TSPAN15: variants seen among roughly 807,000 people sequenced by gnomAD.
TSPAN15 encodes tetraspanin-15.
A neutral mutation model predicts 34.5 loss-of-function variants in TSPAN15; 20 were observed. That is an observed-to-expected ratio of 0.58 (90% confidence interval 0.41 to 0.84). The LOEUF (loss-of-function observed/expected upper bound fraction) is 0.84. Among genes scored for constraint, TSPAN15 ranks in the 40% least tolerant of loss-of-function variants. TSPAN15 has a pLI of 0.00. For missense variants in TSPAN15, 313 were observed against 386.1 expected, an observed-to-expected ratio of 0.81 and a Z score of 1.59; for synonymous variants, 155 against 153.9, an observed-to-expected ratio of 1.01 and a Z score of -0.05.
intron 1 of TSPAN15, among the ~76,000 whole-genome samples, chr10:69,461,782 G>A (rs1460773918): frequency 6.6e-6 from 1 of 152,084 alleles, no homozygotes; most frequent in Admixed American, 6.5e-5. Context: ...GGCTGCCGAG[G>A]CTGCACAGGA....
intron 1 of TSPAN15, among the ~76,000 whole-genome samples, chr10:69,475,843 C>T (rs889262189): frequency 6.6e-6 from 1 of 151,984 alleles, no homozygotes; most frequent in Non-Finnish European, 1.5e-5. Context: ...CCAGCTCAGA[C>T]ACCATGGAAA....
chr10:69,509,421 T>C (rs758205357), downstream of TSPAN15, among the ~76,000 whole-genome samples: 31 of 133,918 alleles, frequency 2.3e-4, no homozygotes, highest in Middle Eastern at 3.8e-3. Flanking sequence ...CACTTTTTGA[T>C]GGGGTTGTTT....
At chr10:69,521,071 T>A in the TSPAN15 span, among the ~76,000 whole-genome samples, 1 of 151,998 alleles carries the variant, frequency 6.6e-6, no homozygotes. Flanking sequence ...GCTGCCCAGA[T>A]AGCTGGTAAA....
the TSPAN15 span, among the ~76,000 whole-genome samples, chr10:69,524,606 A>G: frequency 6.8e-6 from 1 of 146,044 alleles, no homozygotes; most frequent in Non-Finnish European, 1.5e-5. Context: ...GCACAATAAC[A>G]TATTTTAAAG....
the TSPAN15 span, among the ~76,000 whole-genome samples, chr10:69,516,855 G>A: frequency 6.6e-6 from 1 of 152,172 alleles, no homozygotes; most frequent in South Asian, 2.1e-4. Flanking sequence ...AGATGAGGTT[G>A]TGGTGCCTGG....
the TSPAN15 span, among the ~76,000 whole-genome samples, chr10:69,540,404 C>G: frequency 1.3e-5 from 2 of 152,066 alleles, no homozygotes; most frequent in African/African-American, 4.8e-5. Context: ...TTAAAATCCT[C>G]CCAAGATGAA....
chr10:69,483,905 G>C, intron 2 of TSPAN15, 29 bp downstream of exon 2: 1 of 1,602,568 alleles, frequency 6.2e-7, no homozygotes, highest in Non-Finnish European at 8.5e-7. Context: ...CCCTCAGCCG[G>C]GACTCCCCAG....
At chr10:69,498,463 T>G in intron 5 of TSPAN15, 67 bp downstream of exon 5, 2 of 1,323,930 alleles carry the variant, frequency 1.5e-6, no homozygotes, top group South Asian at 2.4e-5. Flanking sequence ...TGTTCTCTTT[T>G]CTCTCTTCCC....
the TSPAN15 span, among the ~76,000 whole-genome samples, chr10:69,520,611 G>C: frequency 6.6e-6 from 1 of 152,182 alleles, no homozygotes; most frequent in Non-Finnish European, 1.5e-5. Flanking sequence ...AGCCGAGATT[G>C]CATCATTGCA....
the TSPAN15 span, among the ~76,000 whole-genome samples, chr10:69,539,790 T>C: frequency 6.6e-6 from 1 of 152,056 alleles, no homozygotes; most frequent in Admixed American, 6.6e-5. Flanking sequence ...CTGCTCCTGC[T>C]CCAGCCATCA....
At chr10:69,540,656 G>C in the TSPAN15 span, among the ~76,000 whole-genome samples, 2 of 152,146 alleles carry the variant, frequency 1.3e-5, no homozygotes, top group Admixed American at 6.5e-5. Context: ...AAGTCTGTGT[G>C]TCTGCTCTAT....
the TSPAN15 span, among the ~76,000 whole-genome samples, chr10:69,529,823 T>C: frequency 1.4e-5 from 2 of 147,206 alleles, no homozygotes; most frequent in African/African-American, 4.9e-5. Context: ...CAATGTGTAG[T>C]CTTTTATTCC....
rs927276299 is a variant in TSPAN15, at chr10:69,507,280, T to G, written c.*302T>G. The G allele has an allele frequency of 9.1e-6, 12 of 1,315,308 alleles. No individual in the cohort carries two copies. The African/African-American group carries it at 1.3e-4, about 15-fold the overall frequency. 81.5% of individuals were successfully genotyped at this position (1,315,308 alleles called of 1,614,324 possible). A position where few individuals can be genotyped will look rare whatever the true frequency, so the allele number is the denominator to read the frequency against. On this transcript the variant is annotated 3_prime_UTR_variant, in exon 8 of 8. Transcript: ENST00000373290. ...GGGGAGGGAGAGCCTGAGGCTCTGCTCAGGGCCCATTTCATCTCTGGCAGT... is the reference window on the plus strand; with the variant it reads ...GGGGAGGGAGAGCCTGAGGCTCTGCGCAGGGCCCATTTCATCTCTGGCAGT...
chr10:69,527,632 G>A, the TSPAN15 span, among the ~76,000 whole-genome samples: 2 of 147,388 alleles, frequency 1.4e-5, no homozygotes, highest in Non-Finnish European at 3.0e-5. Flanking sequence ...AGGAATATGT[G>A]TTGGGCCACA....
At chr10:69,481,122 T>A (rs754040352) in intron 1 of TSPAN15, among the ~76,000 whole-genome samples, 1 of 152,220 alleles carries the variant, frequency 6.6e-6, no homozygotes, top group Non-Finnish European at 1.5e-5. Flanking sequence ...GTCCAGATAG[T>A]CTCTGGTTTA....
chr10:69,523,380 G>A, the TSPAN15 span: 2 of 581,904 alleles, frequency 3.4e-6, no homozygotes, highest in Non-Finnish European at 6.3e-6. Flanking sequence ...GGATGCTGGG[G>A]TCTCCACCCC....
chr10:69,495,943 T>G (rs938169401), intron 4 of TSPAN15, among the ~76,000 whole-genome samples: 2 of 152,140 alleles, frequency 1.3e-5, no homozygotes, highest in African/African-American at 4.8e-5. Flanking sequence ...CCTCTCCAGT[T>G]ACACTGGCTT....
At chr10:69,494,852 G>T (rs931259273) in intron 3 of TSPAN15, 1 of 985,542 alleles carries the variant, frequency 1.0e-6, no homozygotes, top group Non-Finnish European at 1.2e-6. Flanking sequence ...TCCTGCCCCC[G>T]CCCCTTCCCA....
Position 69,472,012 on chromosome 10 carries a change from A to G in TSPAN15, c.97-11679A>G, listed in dbSNP as rs79646045. On this transcript the variant is annotated intron_variant, in intron 1 of 7. Coordinates refer to ENST00000373290, the MANE Select transcript of TSPAN15 (RefSeq NM_012339.5). ...AGCTCCAGAATCTTCAAACATTTTT[A>G]ACAATGAAAAGGAGTTCTGAGACCA... is the stretch of plus-strand genomic sequence containing the variant. 8.5e-4 allele frequency among the ~76,000 whole-genome samples: 130 copies of G among 152,340 alleles called. 2 individuals are homozygous for G. Among genetic ancestry groups the G allele is most frequent in the Non-Finnish European group, 1.6e-3 (110 of 68,020 alleles).
Sources: gnomAD v4.1 joint callset for allele counts (sites outside exome capture counted in the v4.1 genomes callset) on GRCh38, gnomAD v4.1.1 for gene constraint, MANE v1.5 for transcripts, NCBI Gene and HGNC (gene_info 2026-07-23, HGNC 2026-07-21) for gene names.